Variants in GAREM2 observed in about 807,000 individuals in gnomAD.
GAREM2 encodes the protein GRB2-associated and regulator of MAPK protein 2.
GAREM2 carries 30 observed loss-of-function variants against 55.6 expected under a neutral mutation model. That is an observed-to-expected ratio of 0.54 (90% CI 0.40 to 0.73). GAREM2 has a LOEUF of 0.73. Among genes scored for constraint, GAREM2 ranks in the 30% least tolerant of loss-of-function variants. GAREM2 has a pLI of 0.00. For synonymous variants in GAREM2, 550 were observed against 569.1 expected, an observed-to-expected ratio of 0.97 and a Z score of 0.48; for missense variants, 1,075 against 1,257.7, an observed-to-expected ratio of 0.85 and a Z score of 2.20.
chr2:26,200,778 A>T, the GAREM2 span, among the ~76,000 whole-genome samples: 2 of 150,934 alleles, frequency 1.3e-5, no homozygotes, highest in Non-Finnish European at 2.9e-5. Flanking sequence ...TGTCACCCAG[A>T]CTGGAGTGCA....
chr2:26,180,001 TG>T (rs1342748203), intron 2 of GAREM2, among the ~76,000 whole-genome samples: 1 of 152,118 alleles, frequency 6.6e-6, no homozygotes, highest in Non-Finnish European at 1.5e-5. Flanking sequence ...CTGCAGTTCC[TG>T]CTTCCCAAGT....
the GAREM2 span, among the ~76,000 whole-genome samples, chr2:26,195,627 G>A: frequency 1.3e-5 from 2 of 152,106 alleles, no homozygotes; most frequent in African/African-American, 4.8e-5. Flanking sequence ...AAGAATTAAT[G>A]TGTTGGGCTG....
chr2:26,191,632 C>A (rs775551171), downstream of GAREM2: 1 of 1,613,664 alleles, frequency 6.2e-7, no homozygotes, highest in Non-Finnish European at 8.5e-7. Flanking sequence ...TGATGAGCTG[C>A]CAACAGAAAG....
the GAREM2 span, chr2:26,201,229 A>T: frequency 6.2e-7 from 1 of 1,613,522 alleles, no homozygotes; most frequent in Non-Finnish European, 8.5e-7. Flanking sequence ...GCCTTTTCAA[A>T]ACCTTGGTAA....
downstream of GAREM2, among the ~76,000 whole-genome samples, chr2:26,194,145 TG>T (rs1270295365): frequency 6.6e-6 from 1 of 152,158 alleles, no homozygotes. Flanking sequence ...TCCCCAAGTC[TG>T]GGTAAGTGCC....
chr2:26,175,340 G>T (rs1489646267), intron 1 of GAREM2, among the ~76,000 whole-genome samples: 1 of 152,112 alleles, frequency 6.6e-6, no homozygotes, highest in East Asian at 1.9e-4. Flanking sequence ...TCCAGGCCCA[G>T]ACCCCTCCCA....
chr2:26,187,459 C>T lies in GAREM2; in HGVS notation c.1827C>T (p.His609=). The T allele has an allele frequency of 6.5e-7, 1 of 1,548,592 alleles. No individual in the cohort carries two copies. Among genetic ancestry groups the T allele is most frequent in the South Asian group, 1.2e-5 (1 of 83,306 alleles). ...LGADTPVKTY[H]SCPPLFKPSH... is the part of the protein sequence containing the mutation. ...CTGACACCCCTGTTAAGACCTACCA[C>T]AGCTGCCCTCCTCTATTCAAGCCCT... is the stretch of plus-strand genomic sequence containing the variant. The change falls in exon 6 of 6, where the codon CAC becomes CAT. Residue 609 remains histidine (H), a synonymous_variant. Coordinates refer to ENST00000401533, the MANE Select transcript of GAREM2 (RefSeq NM_001168241.2).
the GAREM2 span, chr2:26,197,879 C>T: frequency 2.7e-6 from 2 of 754,314 alleles, no homozygotes; most frequent in Admixed American, 1.8e-5. Flanking sequence ...CCCACTCTGT[C>T]CCCCACAACT....
intron 1 of GAREM2, among the ~76,000 whole-genome samples, chr2:26,174,094 C>A (rs1668785201): frequency 6.6e-6 from 1 of 152,288 alleles, no homozygotes; most frequent in Middle Eastern, 3.4e-3. Context: ...GGCAGCCAGG[C>A]CGGGGGTTTT....
In GAREM2 at chr2:26,188,351, A is replaced by G. The variant is rs1669364932; in HGVS notation, c.*94A>G. The G allele has an allele frequency of 3.0e-6, 3 of 990,362 alleles. No individual in the cohort carries two copies. Among genetic ancestry groups the G allele is most frequent in the Non-Finnish European group, 4.2e-6 (3 of 706,852 alleles). 61.3% of individuals were successfully genotyped at this position (990,362 alleles called of 1,614,324 possible). A position where few individuals can be genotyped will look rare whatever the true frequency, so the allele number is the denominator to read the frequency against. On this transcript the variant is annotated 3_prime_UTR_variant, in exon 6 of 6. Coordinates refer to ENST00000401533, the MANE Select transcript of GAREM2 (RefSeq NM_001168241.2). ...CAGGTGCTGCCTGCAAGAAGGATCT[A>G]TGTCGAGACTGAGGCTGCTCAGCAG...
At position 26,179,188 on chromosome 2, in the gene GAREM2, C is replaced by G. The variant is rs1393783556; in HGVS notation, c.253+2704C>G. 6.6e-6 allele frequency among the ~76,000 whole-genome samples: 1 copy of G among 152,156 alleles called. No individual in the cohort carries two copies. The highest frequency in any genetic ancestry group is 1.5e-5 in the Non-Finnish European group (1 of 68,020). ...ACCTGGCCTGGCCCCGTACTGTCCC[C>G]CGTCCCAGCCCCCGCCCCTGGCCCT... On this transcript the variant is annotated intron_variant, in intron 2 of 5. Transcript: ENST00000401533. This position sits in a 1 kb window ranked among gnomAD's most constrained non-coding sequence, Gnocchi z 4.7.
chr2:26,191,137 T>C (rs1669483366), downstream of GAREM2: 6 of 1,062,176 alleles, frequency 5.6e-6, no homozygotes, highest in South Asian at 7.9e-5. Context: ...GCAAACCCAG[T>C]GCCGGAGTTT....
intron 2 of GAREM2, chr2:26,182,633 TG>T: frequency 1.2e-6 from 1 of 862,852 alleles, no homozygotes; most frequent in Admixed American, 2.3e-5. Context: ...CACTGATAGT[TG>T]ATCAGAGGCC....
the GAREM2 span, among the ~76,000 whole-genome samples, chr2:26,199,729 T>C: frequency 6.6e-6 from 1 of 152,190 alleles, no homozygotes; most frequent in Non-Finnish European, 1.5e-5. Context: ...ATTATTTATC[T>C]TTTTTTCTTC....
chr2:26,186,160 G>C (rs1301639965), intron 4 of GAREM2, 29 bp from the exon 5 acceptor site: 2 of 1,471,016 alleles, frequency 1.4e-6, no homozygotes, highest in East Asian at 2.6e-5. Context: ...GTTTGGAGTC[G>C]AGGTGGAGTC....
downstream of GAREM2, chr2:26,190,733 G>T (rs1669469091): frequency 5.0e-6 from 1 of 199,174 alleles, no homozygotes; most frequent in Non-Finnish European, 1.0e-5. Flanking sequence ...AGCCCACCAG[G>T]TCCCACTTTC....
chr2:26,184,242 GGCGAGTTCA>G lies in GAREM2; in HGVS notation c.400_408del (p.Phe134_Glu136del). The stretch of plus-strand genomic sequence containing the variant: ...TCTCTGGGATCCCCAGGTGGTGTCG[GGCGAGTTCA>G]GCGAGGACAGCGAGGTGTACAACTT... On this transcript the variant is annotated inframe_deletion, in exon 4 of 6. Coordinates refer to ENST00000401533, the MANE Select transcript of GAREM2 (RefSeq NM_001168241.2). 3 of 1,550,178 alleles carry G rather than the reference GGCGAGTTCA, an allele frequency of 1.9e-6. No homozygotes were observed. The highest frequency in any genetic ancestry group is 2.6e-6 in the Non-Finnish European group (3 of 1,146,202).
intron 2 of GAREM2, among the ~76,000 whole-genome samples, chr2:26,178,662 T>G (rs889190238): frequency 8.5e-5 from 13 of 152,070 alleles, no homozygotes; most frequent in African/African-American, 2.9e-4. Context: ...AAAACGTGAC[T>G]TTAGGGACTT....
chr2:26,195,503 C>T, the GAREM2 span, among the ~76,000 whole-genome samples: 4 of 148,394 alleles, frequency 2.7e-5, no homozygotes, highest in Non-Finnish European at 4.4e-5. Flanking sequence ...AACCACAGCT[C>T]GAGGCCAAAC....
Sources: allele counts gnomAD v4.1 joint callset (sites outside exome capture counted in the v4.1 genomes callset), GRCh38; gene constraint gnomAD v4.1.1; non-coding constraint Gnocchi (gnomAD v3.1); transcripts MANE v1.5; gene names NCBI Gene and HGNC (gene_info 2026-07-23, HGNC 2026-07-21).